POLD3: variants seen among roughly 807,000 people sequenced by gnomAD.
POLD3 encodes the protein DNA polymerase delta 3, accessory subunit, also known as DNA polymerase delta subunit 3.
In POLD3, 19 loss-of-function variants were observed where a neutral mutation model predicts 58.2. The observed-to-expected ratio is 0.33, with a 90% confidence interval of 0.23 to 0.48. POLD3 has a LOEUF of 0.48. POLD3 is among the 20% of genes least tolerant of loss of function. The pLI is 0.99. For missense variants in POLD3, 504 were observed against 545.5 expected, an observed-to-expected ratio of 0.92 and a Z score of 0.76; for synonymous variants, 172 against 193.5, an observed-to-expected ratio of 0.89 and a Z score of 0.92.
intron 4 of POLD3, among the ~76,000 whole-genome samples, chr11:74,649,712 GAC>G (rs141336686): frequency 0.017 from 2,646 of 152,266 alleles, 78 homozygotes; most frequent in African/African-American, 0.062. Context: ...AGCAGCAAGA[GAC>G]AGTTGCTTTT....
intron 4 of POLD3, among the ~76,000 whole-genome samples, chr11:74,649,850 TGA>T (rs375042490): frequency 1.3e-5 from 2 of 151,420 alleles, no homozygotes; most frequent in Admixed American, 6.6e-5. Context: ...TTTATTTATT[TGA>T]GAGAGAGAGA....
intron 4 of POLD3, among the ~76,000 whole-genome samples, chr11:74,655,237 G>A (rs1294753721): frequency 2.0e-5 from 3 of 152,268 alleles, no homozygotes; most frequent in Admixed American, 2.0e-4. Context: ...TGACATGGGC[G>A]TAAGCCCTTG....
chr11:74,651,372 A>C (rs2033066623), intron 4 of POLD3, among the ~76,000 whole-genome samples: 2 of 152,202 alleles, frequency 1.3e-5, no homozygotes, highest in African/African-American at 2.4e-5. Flanking sequence ...AGAGTTTAAG[A>C]ATTCATTCAT....
At chr11:74,616,988 A>G (rs543134434) in intron 5 of POLD3, among the ~76,000 whole-genome samples, 11 of 152,260 alleles carry the variant, frequency 7.2e-5, no homozygotes, top group Admixed American at 4.6e-4. Context: ...GCACTTTTCT[A>G]TGTGCCAGGT....
chr11:74,662,500 G>A (rs1461724189), intron 4 of POLD3, among the ~76,000 whole-genome samples: 3 of 152,068 alleles, frequency 2.0e-5, no homozygotes, highest in Admixed American at 1.3e-4. Context: ...TGGAACGGGG[G>A]CCTCAAAACT....
At chr11:74,629,582 T>C (rs2032531357) in intron 9 of POLD3, among the ~76,000 whole-genome samples, 1 of 145,656 alleles carries the variant, frequency 6.9e-6, no homozygotes, top group Admixed American at 6.7e-5. Flanking sequence ...TTTTCTTTTC[T>C]TTTCTTTTTT....
rs751076893 is a variant in POLD3, at chr11:74,620,038, G to C, written c.682G>C (p.Ala228Pro). Residue 228 changes from alanine to proline, a missense_variant, in exon 7 of 12, where the codon GCA (alanine) becomes CCA (proline). Coordinates refer to ENST00000263681, the MANE Select transcript of POLD3 (RefSeq NM_006591.3). ...VTNASAAGNK[A>P]PGKGNMMSNF... ...GTAGGCATCTGCAGCAGGCAACAAG[G>C]CACCAGGGAAAGGGAATATGATGAG... 23 of 1,613,730 alleles carry C rather than the reference G, an allele frequency of 1.4e-5. No homozygotes were observed. The highest frequency in any genetic ancestry group is 2.7e-5 in the African/African-American group (2 of 74,926).
intron 3 of POLD3, among the ~76,000 whole-genome samples, chr11:74,608,579 G>A (rs565863942): frequency 6.6e-6 from 1 of 152,158 alleles, no homozygotes; most frequent in Non-Finnish European, 1.5e-5. Context: ...GGAACCCATT[G>A]AATCAGAGCT....
intron 2 of POLD3, among the ~76,000 whole-genome samples, chr11:74,604,185 A>G (rs1474075170): frequency 6.6e-6 from 1 of 152,198 alleles, no homozygotes; most frequent in Non-Finnish European, 1.5e-5. Context: ...ACCCTCACAC[A>G]TCTCCCAAAA....
chr11:74,658,508 A>G (rs2033164934), intron 4 of POLD3, among the ~76,000 whole-genome samples: 1 of 152,208 alleles, frequency 6.6e-6, no homozygotes, highest in Non-Finnish European at 1.5e-5. Flanking sequence ...AAAAGTTCAC[A>G]GTCCAAAGTC....
downstream of POLD3, among the ~76,000 whole-genome samples, chr11:74,645,471 G>A (rs1358268541): frequency 6.6e-6 from 1 of 152,194 alleles, no homozygotes; most frequent in Non-Finnish European, 1.5e-5. Flanking sequence ...TGACCTACTA[G>A]GGAGGCAGGA....
Position 74,634,577 on chromosome 11 carries a change from T to C in POLD3, c.1007-6T>C, listed in dbSNP as rs1485190136. On this transcript the variant is annotated splice_polypyrimidine_tract_variant and splice_region_variant and intron_variant, in intron 9 of 11. Coordinates refer to ENST00000263681, the MANE Select transcript of POLD3 (RefSeq NM_006591.3). ...TCTCTGATCTAAGTCCGTTTCATTATTTCAGTCTTTCCAGACTCTCCTGGG... is the reference window on the plus strand; with the variant it reads ...TCTCTGATCTAAGTCCGTTTCATTACTTCAGTCTTTCCAGACTCTCCTGGG... 2.0e-6 allele frequency: 3 copies of C among 1,497,146 alleles called. No individual in the cohort carries two copies. The highest frequency in any genetic ancestry group is 1.1e-5 in the South Asian group (1 of 88,828). 92.7% of individuals were successfully genotyped at this position (1,497,146 alleles called of 1,614,324 possible). A position where few individuals can be genotyped will look rare whatever the true frequency, so the allele number is the denominator to read the frequency against.
chr11:74,615,004 G>A (rs1236268801), intron 5 of POLD3, among the ~76,000 whole-genome samples: 1 of 152,192 alleles, frequency 6.6e-6, no homozygotes, highest in African/African-American at 2.4e-5. Context: ...CTGGGGTAAA[G>A]ATAGAGATTT....
At chr11:74,634,244 CTT>C (rs1317860373) in intron 9 of POLD3, among the ~76,000 whole-genome samples, 1 of 152,210 alleles carries the variant, frequency 6.6e-6, no homozygotes, top group East Asian at 1.9e-4. Context: ...AAATCTGTCT[CTT>C]AGAGTTGTTG....
chr11:74,647,424 A>G (rs2033012878), downstream of POLD3, among the ~76,000 whole-genome samples: 1 of 152,088 alleles, frequency 6.6e-6, no homozygotes, highest in African/African-American at 2.4e-5. Context: ...TCTCTCCCAC[A>G]TTTTGCAGAA....
At chr11:74,617,524 C>A (rs186398892) in intron 5 of POLD3, among the ~76,000 whole-genome samples, 1 of 152,152 alleles carries the variant, frequency 6.6e-6, no homozygotes. Flanking sequence ...GCCTCAGCCT[C>A]CTGAGTAGCT....
chr11:74,601,423 ATAGT>A (rs968987151), intron 2 of POLD3, among the ~76,000 whole-genome samples: 11 of 152,216 alleles, frequency 7.2e-5, no homozygotes, highest in Admixed American at 1.3e-4. Context: ...TGTAAAATAA[ATAGT>A]TAGAAGGCAG....
rs147464150 is a variant in POLD3, at chr11:74,640,723, C to G, written c.1358C>G (p.Ala453Gly). 3 of 1,609,202 alleles carry G rather than the reference C, an allele frequency of 1.9e-6. No homozygotes were observed. The highest frequency in any genetic ancestry group is 2.5e-6 in the Non-Finnish European group (3 of 1,178,240). The change falls in exon 12 of 12, where the codon GCC becomes GGC. Residue 453 changes from alanine to glycine, a missense_variant. Around this residue, in one of 2 missense-constraint regions of POLD3, gnomAD observed 385 missense variants for 370.5 expected, o/e 1.04. Transcript: ENST00000263681. ...PKKGTAALGK[A>G]NRQVSITGFF... ...AAAGGGACTGCTGCTCTGGGCAAAG[C>G]CAACAGACAGGTGTCCATTACTGGC...
Position 74,629,229 on chromosome 11 carries a change from A to T in POLD3, c.912A>T (p.Val304=), listed in dbSNP as rs758481733. 1 of 1,596,574 alleles carries T rather than the reference A, an allele frequency of 6.3e-7. No individual in the cohort carries two copies. The highest frequency in any genetic ancestry group is 1.1e-5 in the South Asian group (1 of 89,946). The change falls in exon 9 of 12, where the codon GTA becomes GTT. Residue 304 remains valine, a synonymous_variant. Coordinates refer to ENST00000263681, the MANE Select transcript of POLD3 (RefSeq NM_006591.3). ...LQKEKKRGKR[V]ALSDDETKET... ...TGGATGGCAACAGGGGGAAGCGAGT[A>T]GCATTATCTGATGATGAGACAAAGG...
Sources: allele counts gnomAD v4.1 joint callset (sites outside exome capture counted in the v4.1 genomes callset), GRCh38; gene constraint gnomAD v4.1.1; regional missense constraint gnomAD v4.1.1; transcripts MANE v1.5; gene names NCBI Gene and HGNC (gene_info 2026-07-23, HGNC 2026-07-21).